EBF3: variants seen among roughly 807,000 people sequenced by gnomAD.
EBF3 encodes EBF transcription factor 3, also known as transcription factor COE3.
EBF3 carries 18 observed loss-of-function variants against 77.1 expected under a neutral mutation model. The observed-to-expected ratio is 0.23, with a 90% CI of 0.16 to 0.35. The LOEUF (loss-of-function observed/expected upper bound fraction) is 0.35. EBF3 is among the 10% of genes least tolerant of loss of function. EBF3 has a pLI of 1.00. For synonymous variants in EBF3, 350 were observed against 343.5 expected (o/e 1.02, Z -0.21); for missense variants, 558 against 860.0 (o/e 0.65, Z 4.39).
At chr10:129,941,906 C>T (rs1857771586) in intron 6 of EBF3, among the ~76,000 whole-genome samples, 1 of 152,224 alleles carries the variant, frequency 6.6e-6, no homozygotes, top group Non-Finnish European at 1.5e-5. Flanking sequence ...GGGTGAGATC[C>T]CAATCCAGAC....
chr10:129,958,957 C>T lies in EBF3; in HGVS notation c.462G>A (p.Leu154=). 6.2e-7 allele frequency: 1 copy of T among 1,600,190 alleles called. No homozygotes were observed. Among genetic ancestry groups the T allele is most frequent in the South Asian group, 1.1e-5 (1 of 89,654 alleles). ...ACCTGCACATGATCTCGTGGGTCAG[C>T]AGCACACGGCACATCTCCGGGTTCT... ...QDKNPEMCRV[L]LTHEIMCSRC... Residue 154 remains leucine, a synonymous_variant, in exon 5 of 17, where the codon CTG becomes CTA. Transcript: ENST00000440978.
At chr10:129,881,755 T>C (rs1185445579) in intron 6 of EBF3, among the ~76,000 whole-genome samples, 1 of 152,176 alleles carries the variant, frequency 6.6e-6, no homozygotes, top group Non-Finnish European at 1.5e-5. Context: ...AGTCGGGCCC[T>C]GTGCCGGGGA....
In EBF3 at chr10:129,840,313, G is replaced by A. The variant is rs143497188; in HGVS notation, c.1691C>T (p.Ala564Val). The A allele has an allele frequency of 8.8e-6, 14 of 1,590,836 alleles. No homozygotes were observed. The highest frequency in any genetic ancestry group is 2.7e-5 in the African/African-American group (2 of 74,648). ...ISAVKQKSAF[A>V]PVVRPQASPP... ...AGAGGCTTGGGGCCGGACCACGGGC[G>A]CGAAGGCGCTCTTCTGTTTCACTGC... Residue 564 changes from alanine to valine, a missense_variant, in exon 15 of 17, where the codon GCG becomes GTG. Coordinates refer to ENST00000440978, the MANE Select transcript of EBF3 (RefSeq NM_001375380.1).
intron 10 of EBF3, among the ~76,000 whole-genome samples, chr10:129,851,602 A>G (rs1292851123): frequency 6.6e-6 from 1 of 152,182 alleles, no homozygotes; most frequent in Non-Finnish European, 1.5e-5. Context: ...GGAATTCCAC[A>G]TATCTGGATC....
chr10:129,895,053 G>A (rs1251711161), intron 6 of EBF3, among the ~76,000 whole-genome samples: 1 of 152,226 alleles, frequency 6.6e-6, no homozygotes, highest in Admixed American at 6.5e-5. Flanking sequence ...GTGGGCATGC[G>A]GAACGGGGAC....
intron 6 of EBF3, among the ~76,000 whole-genome samples, chr10:129,948,671 C>T (rs945001705): frequency 2.6e-5 from 4 of 152,248 alleles, no homozygotes; most frequent in African/African-American, 9.6e-5. Flanking sequence ...ACTCTCTGGT[C>T]ATTTTTCTGT....
chr10:129,851,399 T>C (rs1850870993), intron 10 of EBF3, among the ~76,000 whole-genome samples: 1 of 152,202 alleles, frequency 6.6e-6, no homozygotes, highest in African/African-American at 2.4e-5. Context: ...ATGTACTTGG[T>C]TCCCGAGCAA....
chr10:129,957,505 T>C (rs1859134959), intron 5 of EBF3, among the ~76,000 whole-genome samples, 179 bp from the exon 6 acceptor site: 1 of 152,166 alleles, frequency 6.6e-6, no homozygotes, highest in Admixed American at 6.5e-5. Flanking sequence ...CGATGTAACT[T>C]TCTACCGGAA....
chr10:129,842,013 G>T lies in EBF3; in HGVS notation c.1372+103C>A, dbSNP rs977367001. 6.8e-7 allele frequency: 1 copy of T among 1,465,478 alleles called. No individual in the cohort carries two copies. Among genetic ancestry groups the T allele is most frequent in the Non-Finnish European group, 9.4e-7 (1 of 1,064,324 alleles). The allele number at this position is 1,465,478 out of a possible 1,614,324, so 90.8% of individuals were successfully genotyped here. A position where few individuals can be genotyped will look rare whatever the true frequency, so the allele number is the denominator to read the frequency against. On this transcript the variant is annotated intron_variant, in intron 13 of 16. Coordinates refer to ENST00000440978, the MANE Select transcript of EBF3 (RefSeq NM_001375380.1). The surrounding 1 kb of genome is among the most constrained non-coding windows in gnomAD (Gnocchi z 4.4). The stretch of plus-strand genomic sequence containing the variant: ...AGAGCCAGAGAGAACAGAACGCTAC[G>T]GACATTCCCCAGCTGGCCCTGGACA...
rs1852138835 is a variant in EBF3, at chr10:129,867,916, C to T, written c.782-4G>A. The T allele has an allele frequency of 6.2e-7, 1 of 1,613,706 alleles. No individual in the cohort carries two copies. On this transcript the variant is annotated splice_region_variant and splice_polypyrimidine_tract_variant and intron_variant, in intron 8 of 16. Coordinates refer to ENST00000440978, the MANE Select transcript of EBF3 (RefSeq NM_001375380.1). Reference sequence around the variant, plus strand: ...ATGGCCTTGATGCACGGAGTGGCTGCTCACACAAGACAGAGAAGGCAGACC... The same window carrying T: ...ATGGCCTTGATGCACGGAGTGGCTGTTCACACAAGACAGAGAAGGCAGACC...
At chr10:129,902,237 T>TTC (rs1854840945) in intron 6 of EBF3, among the ~76,000 whole-genome samples, 2 of 151,706 alleles carry the variant, frequency 1.3e-5, no homozygotes. Context: ...GACATTTTTT[T>TTC]TTTTTTTTTT....
At chr10:129,887,440 G>A (rs1409356574) in intron 6 of EBF3, among the ~76,000 whole-genome samples, 1 of 152,200 alleles carries the variant, frequency 6.6e-6, no homozygotes, top group East Asian at 1.9e-4. Context: ...AAGCAAGAAA[G>A]GTTGCTGCTT....
At chr10:129,917,001 T>A (rs73383629) in intron 6 of EBF3, among the ~76,000 whole-genome samples, 11,202 of 152,188 alleles carry the variant, frequency 0.074, 544 homozygotes, top group East Asian at 0.23. Context: ...GAAAAAGAGA[T>A]CCATTAATAA....
intron 6 of EBF3, among the ~76,000 whole-genome samples, chr10:129,889,899 A>G (rs1254397360): frequency 1.4e-5 from 2 of 138,622 alleles, no homozygotes; most frequent in African/African-American, 5.4e-5. Flanking sequence ...GACTCTTTCC[A>G]CATTCCCTGA....
intron 6 of EBF3, among the ~76,000 whole-genome samples, chr10:129,892,469 T>C (rs1006384560): frequency 1.3e-5 from 2 of 152,204 alleles, no homozygotes; most frequent in Admixed American, 6.5e-5. Context: ...GCCGGACACC[T>C]GTGAGGTGAG....
chr10:129,961,660 AGAG>A (rs948120879), intron 4 of EBF3, among the ~76,000 whole-genome samples: 2 of 152,172 alleles, frequency 1.3e-5, no homozygotes, highest in African/African-American at 2.4e-5. Context: ...AAGATGGACT[AGAG>A]GAGAACAAGG....
In EBF3 at chr10:129,837,605, A is replaced by G; in HGVS notation, c.*338T>C. The G allele has an allele frequency of 3.3e-6, 1 of 301,578 alleles. No individual in the cohort carries two copies. The highest frequency in any genetic ancestry group is 6.2e-6 in the Non-Finnish European group (1 of 161,928). The allele number at this position is 301,578 out of a possible 1,614,324, so 18.7% of individuals were successfully genotyped here. A position where few individuals can be genotyped will look rare whatever the true frequency, so the allele number is the denominator to read the frequency against. On this transcript the variant is annotated 3_prime_UTR_variant, in exon 17 of 17. Coordinates refer to ENST00000440978, the MANE Select transcript of EBF3 (RefSeq NM_001375380.1). ...ACAAAGTTTCTCCCAACACATAGCAATTACTAGACATGGCCAAGACGGAGT... is the reference window on the plus strand; with the variant it reads ...ACAAAGTTTCTCCCAACACATAGCAGTTACTAGACATGGCCAAGACGGAGT...
At position 129,839,206 on chromosome 10, in the gene EBF3, G is replaced by C. The variant is rs1312360156; in HGVS notation, c.1760-11C>G. The C allele has an allele frequency of 8.3e-7, 1 of 1,202,704 alleles. No homozygotes were observed. Among genetic ancestry groups the C allele is most frequent in the South Asian group, 1.3e-5 (1 of 79,024 alleles). 74.5% of individuals were successfully genotyped at this position (1,202,704 alleles called of 1,614,324 possible). The stretch of plus-strand genomic sequence containing the variant: ...CACCCAGCAGAGAGCCTGGTACATA[G>C]TAGGTGCTCAGTAAATACTGGTTGA... On this transcript the variant is annotated splice_polypyrimidine_tract_variant and intron_variant, in intron 15 of 16. Transcript: ENST00000440978.
intron 6 of EBF3, among the ~76,000 whole-genome samples, chr10:129,907,249 C>A (rs576613185): frequency 6.6e-6 from 1 of 152,228 alleles, no homozygotes; most frequent in African/African-American, 2.4e-5. Context: ...AGACCCTGGG[C>A]GAGGGCGCCC....
Sources: gnomAD v4.1 joint callset for allele counts (sites outside exome capture counted in the v4.1 genomes callset) on GRCh38, gnomAD v4.1.1 for gene constraint, Gnocchi (gnomAD v3.1) non-coding constraint, MANE v1.5 for transcripts, NCBI Gene and HGNC (gene_info 2026-07-23, HGNC 2026-07-21) for gene names.